Variants in CDKAL1 observed in about 807,000 individuals in gnomAD.
CDKAL1 encodes CDKAL1 threonylcarbamoyladenosine tRNA methylthiotransferase.
In CDKAL1, 32 loss-of-function variants were observed where a neutral mutation model predicts 68.2. The ratio of observed to expected loss-of-function variants is 0.47; its 90% CI spans 0.35 to 0.63. The LOEUF (loss-of-function observed/expected upper bound fraction) is 0.63, where lower values mean the gene tolerates loss of function less well. CDKAL1 is among the 30% of genes least tolerant of loss of function. The probability of loss-of-function intolerance (pLI) is 0.00; values close to 1 mark genes in which losing one functional copy is unlikely to be tolerated. For synonymous variants in CDKAL1, 234 were observed against 244.3 expected (o/e 0.96, Z 0.39); for missense variants, 606 against 696.7 (o/e 0.87, Z 1.47).
chr6:21,002,027 C>G (rs974540026), intron 11 of CDKAL1, among the ~76,000 whole-genome samples: 1 of 152,180 alleles, frequency 6.6e-6, no homozygotes, highest in Non-Finnish European at 1.5e-5. Flanking sequence ...TGAGGGCTGA[C>G]TCAGTTGTTG....
chr6:20,810,627 G>GGTGTGT lies in CDKAL1; in HGVS notation c.638+29395_638+29400dup, dbSNP rs57000695. 1.9e-3 allele frequency among the ~76,000 whole-genome samples: 261 copies of GGTGTGT among 134,764 alleles called. 1 individual carries two copies. The highest frequency in any genetic ancestry group is 4.5e-3 in the African/African-American group (163 of 36,184). The allele number at this position is 134,764 out of a possible 152,430, so 88.4% of individuals were successfully genotyped here. On this transcript the variant is annotated intron_variant, in intron 8 of 15. Transcript: ENST00000274695. Reference sequence around the variant, plus strand: ...AAAAAAGATTATGTGTGTATGTATGGGTGTGTGTGTGTGTGTGTGTGTGTG... The same window carrying GGTGTGT: ...AAAAAAGATTATGTGTGTATGTATGGGTGTGTGTGTGTGTGTGTGTGTGTGTGTGTG...
intron 4 of CDKAL1, among the ~76,000 whole-genome samples, chr6:20,577,858 T>G (rs1014800888): frequency 1.3e-5 from 2 of 152,146 alleles, no homozygotes; most frequent in African/African-American, 4.8e-5. Flanking sequence ...GTTAACTCTA[T>G]TAGTATCATG....
chr6:20,557,949 A>G (rs1028543632), intron 4 of CDKAL1, among the ~76,000 whole-genome samples: 3 of 152,024 alleles, frequency 2.0e-5, no homozygotes, highest in Non-Finnish European at 4.4e-5. Context: ...AAACAAACAA[A>G]CACATCAAAC....
intron 6 of CDKAL1, among the ~76,000 whole-genome samples, chr6:20,749,817 G>C (rs1212327319): frequency 1.3e-5 from 2 of 151,920 alleles, no homozygotes; most frequent in Non-Finnish European, 2.9e-5. Context: ...AAAGTGCTGG[G>C]ATTAGAGGTG....
intron 5 of CDKAL1, among the ~76,000 whole-genome samples, chr6:20,693,165 G>C (rs1275649436): frequency 1.4e-5 from 2 of 147,854 alleles, no homozygotes; most frequent in African/African-American, 5.0e-5. Context: ...AAAGACAGTT[G>C]GGGCTTGCAC....
At chr6:20,816,832 C>T (rs1777067201) in intron 8 of CDKAL1, among the ~76,000 whole-genome samples, 1 of 152,078 alleles carries the variant, frequency 6.6e-6, no homozygotes, top group African/African-American at 2.4e-5. Context: ...ATGTTTACCA[C>T]CTCCAGTTTT....
At chr6:20,611,101 CTTTTG>C (rs1766598878) in intron 4 of CDKAL1, among the ~76,000 whole-genome samples, 1 of 152,022 alleles carries the variant, frequency 6.6e-6, no homozygotes, top group African/African-American at 2.4e-5. Context: ...CTGCAGGCAT[CTTTTG>C]TTTTTCATTT....
At chr6:20,842,007 A>G (rs1198982473) in intron 8 of CDKAL1, among the ~76,000 whole-genome samples, 1 of 152,180 alleles carries the variant, frequency 6.6e-6, no homozygotes, top group African/African-American at 2.4e-5. Flanking sequence ...CAACCTTCAA[A>G]GATCTTTTGT....
chr6:20,918,127 T>TA (rs1762799520), intron 9 of CDKAL1, among the ~76,000 whole-genome samples: 1 of 152,188 alleles, frequency 6.6e-6, no homozygotes. Context: ...AAAAGAGGCG[T>TA]AAGAGAGCTA....
At chr6:20,954,440 C>CTG (rs150813701) in intron 9 of CDKAL1, among the ~76,000 whole-genome samples, 4 of 151,900 alleles carry the variant, frequency 2.6e-5, no homozygotes, top group African/African-American at 7.2e-5. Context: ...GTTTGTGTGC[C>CTG]TGTGTGTGTG....
chr6:20,616,298 T>G (rs1272196758), intron 4 of CDKAL1, among the ~76,000 whole-genome samples: 2 of 151,230 alleles, frequency 1.3e-5, no homozygotes, highest in East Asian at 2.0e-4. Flanking sequence ...TTTAAAGTAG[T>G]TTTTTCCAAT....
intron 12 of CDKAL1, among the ~76,000 whole-genome samples, chr6:21,082,446 G>GT (rs2150958862): frequency 6.6e-6 from 1 of 152,308 alleles, no homozygotes; most frequent in East Asian, 1.9e-4. Flanking sequence ...GAGAAGTTAA[G>GT]TTCATTTGTC....
At chr6:21,105,626 G>T (rs1295509888) in intron 12 of CDKAL1, among the ~76,000 whole-genome samples, 3 of 152,182 alleles carry the variant, frequency 2.0e-5, no homozygotes, top group Non-Finnish European at 4.4e-5. Context: ...GCATTGGGGA[G>T]GTATGATAGC....
chr6:21,206,583 G>C (rs1778947159), intron 15 of CDKAL1, among the ~76,000 whole-genome samples: 1 of 152,100 alleles, frequency 6.6e-6, no homozygotes, highest in Non-Finnish European at 1.5e-5. Flanking sequence ...TGAATAGTTT[G>C]ATTGCAAAGT....
intron 5 of CDKAL1, among the ~76,000 whole-genome samples, chr6:20,699,141 T>C (rs1480181377): frequency 6.6e-6 from 1 of 152,124 alleles, no homozygotes; most frequent in Non-Finnish European, 1.5e-5. Flanking sequence ...CAGTTAAGGA[T>C]ATTGAGCAAT....
At chr6:20,847,350 G>A (rs950109068) in intron 9 of CDKAL1, among the ~76,000 whole-genome samples, 1 of 152,068 alleles carries the variant, frequency 6.6e-6, no homozygotes, top group Non-Finnish European at 1.5e-5. Flanking sequence ...TTTTTAAAAG[G>A]AGAAAAAATT....
intron 5 of CDKAL1, among the ~76,000 whole-genome samples, chr6:20,678,457 C>T (rs941205455): frequency 6.6e-6 from 1 of 152,150 alleles, no homozygotes; most frequent in African/African-American, 2.4e-5. Flanking sequence ...TTGTGAACCA[C>T]ATTTAAAATC....
At chr6:20,806,698 G>A (rs1006248497) in intron 8 of CDKAL1, among the ~76,000 whole-genome samples, 1 of 152,088 alleles carries the variant, frequency 6.6e-6, no homozygotes, top group African/African-American at 2.4e-5. Flanking sequence ...CAGACCAGTT[G>A]TGAGTCAACA....
At position 21,050,101 on chromosome 6, in the gene CDKAL1, A is replaced by G. The variant is rs1770461310; in HGVS notation, c.1056-14947A>G. Reference sequence around the variant, plus strand: ...CCCATCTAGGTTTTTATTTTTGCTTATTAAAAGTTTTATTACTTTCAAAGA... The same window carrying G: ...CCCATCTAGGTTTTTATTTTTGCTTGTTAAAAGTTTTATTACTTTCAAAGA... On this transcript the variant is annotated intron_variant, in intron 11 of 15. Transcript: ENST00000274695. Among the ~76,000 whole-genome samples the G allele has an allele frequency of 3.3e-5, 5 of 152,162 alleles. No homozygotes were observed. In the South Asian group the frequency reaches 1.0e-3, roughly 31 times the overall value.
Sources: allele counts gnomAD v4.1 joint callset (sites outside exome capture counted in the v4.1 genomes callset), GRCh38; gene constraint gnomAD v4.1.1; transcripts MANE v1.5; gene names NCBI Gene and HGNC (gene_info 2026-07-23, HGNC 2026-07-21).